NAALADL2: variants seen among roughly 807,000 people sequenced by gnomAD.
The protein encoded by NAALADL2 is inactive N-acetylated-alpha-linked acidic dipeptidase-like protein 2.
Under a neutral mutation model 87.2 loss-of-function variants are expected in NAALADL2, and 76 were observed. The observed-to-expected ratio is 0.87, with a 90% CI of 0.72 to 1.05. The LOEUF (loss-of-function observed/expected upper bound fraction) is 1.05. Ranked by LOEUF, NAALADL2 falls within the 50% of genes least tolerant of loss-of-function variation. The pLI is 0.00. For missense variants in NAALADL2, 1,089 were observed against 945.8 expected (o/e 1.15, Z -1.99); for synonymous variants, 354 against 331.0 (o/e 1.07, Z -0.75).
chr3:174,796,888 T>C (rs550191731), intron 3 of NAALADL2, among the ~76,000 whole-genome samples: 1 of 152,154 alleles, frequency 6.6e-6, no homozygotes, highest in Admixed American at 6.6e-5. Flanking sequence ...TTCTGGATAT[T>C]TTCTCCTATT....
At chr3:175,081,776 C>G (rs1319127643) in intron 1 of NAALADL2, among the ~76,000 whole-genome samples, 1 of 152,130 alleles carries the variant, frequency 6.6e-6, no homozygotes, top group Non-Finnish European at 1.5e-5. Context: ...GTAAAGTGTA[C>G]ATATAGTTAG....
At chr3:175,016,278 A>ATATATATATATAT (rs58474829) in intron 1 of NAALADL2, among the ~76,000 whole-genome samples, 2 of 144,830 alleles carry the variant, frequency 1.4e-5, no homozygotes, top group African/African-American at 5.2e-5. Flanking sequence ...TATATATATA[A>ATATATATATATAT]AAAACAATAG....
chr3:175,313,259 A>C (rs1029962583), intron 4 of NAALADL2, among the ~76,000 whole-genome samples: 1 of 152,148 alleles, frequency 6.6e-6, no homozygotes, highest in African/African-American at 2.4e-5. Context: ...GAAGTATACT[A>C]GATGTCAGGA....
intron 10 of NAALADL2, among the ~76,000 whole-genome samples, chr3:175,601,480 G>A (rs1227413420): frequency 6.6e-6 from 1 of 152,058 alleles, no homozygotes; most frequent in Non-Finnish European, 1.5e-5. Flanking sequence ...CATGTGTCAG[G>A]AGCACAGGAT....
chr3:174,895,558 G>A (rs1167943392), intron 1 of NAALADL2, among the ~76,000 whole-genome samples: 1 of 152,022 alleles, frequency 6.6e-6, no homozygotes, highest in Non-Finnish European at 1.5e-5. Context: ...GTAAAGAAAA[G>A]CCTGGGACCT....
intron 5 of NAALADL2, among the ~76,000 whole-genome samples, chr3:175,392,635 A>G (rs753293): frequency 0.21 from 31,880 of 152,194 alleles, 4,223 homozygotes; most frequent in East Asian, 0.47. Flanking sequence ...GCACAACCCA[A>G]TAGGATTTCC....
chr3:174,660,168 A>T (rs1725374019), intron 2 of NAALADL2, among the ~76,000 whole-genome samples: 1 of 152,156 alleles, frequency 6.6e-6, no homozygotes, highest in Admixed American at 6.6e-5. Flanking sequence ...TATAGTAGGA[A>T]ATATGTGTTT....
intron 12 of NAALADL2, among the ~76,000 whole-genome samples, chr3:175,744,587 C>T (rs1026296105): frequency 1.6e-4 from 24 of 152,290 alleles, no homozygotes; most frequent in African/African-American, 5.8e-4. Context: ...ATTAATAAAA[C>T]CTGACACCTT....
chr3:174,488,955 G>A (rs1286721074), intron 1 of NAALADL2, among the ~76,000 whole-genome samples: 1 of 151,998 alleles, frequency 6.6e-6, no homozygotes, highest in Non-Finnish European at 1.5e-5. Flanking sequence ...TTGCCCAGTT[G>A]TGAGATTGCA....
chr3:175,138,575 T>TA (rs1175801102), intron 2 of NAALADL2, among the ~76,000 whole-genome samples: 2 of 151,308 alleles, frequency 1.3e-5, no homozygotes, highest in East Asian at 1.9e-4. Context: ...ACTGCAAACT[T>TA]ACGAAAAATG....
chr3:174,642,599 T>C (rs142647165), intron 2 of NAALADL2, among the ~76,000 whole-genome samples: 9 of 150,880 alleles, frequency 6.0e-5, no homozygotes, highest in African/African-American at 2.2e-4. Context: ...CAGTGTACAC[T>C]ACTAGCTCCT....
intron 13 of NAALADL2, among the ~76,000 whole-genome samples, chr3:175,798,305 AATG>A (rs67814614): frequency 6.6e-6 from 1 of 151,828 alleles, no homozygotes; most frequent in Non-Finnish European, 1.5e-5. Flanking sequence ...GGTTTTTTTA[AATG>A]ATGATGAAAA....
intron 6 of NAALADL2, among the ~76,000 whole-genome samples, chr3:175,459,875 T>C (rs375646631): frequency 4.6e-5 from 7 of 152,338 alleles, no homozygotes; most frequent in African/African-American, 1.7e-4. Context: ...TACACGTTTT[T>C]ACCTAAGTTT....
At chr3:175,373,318 A>G (rs371509948) in intron 5 of NAALADL2, among the ~76,000 whole-genome samples, 56 of 152,320 alleles carry the variant, frequency 3.7e-4, no homozygotes, top group African/African-American at 1.1e-3. Flanking sequence ...TTTTCTGTCA[A>G]TCCACTGCCA....
intron 9 of NAALADL2, among the ~76,000 whole-genome samples, chr3:175,520,385 G>A (rs1228439823): frequency 7.2e-6 from 1 of 138,554 alleles, no homozygotes; most frequent in Non-Finnish European, 1.5e-5. Flanking sequence ...TGCAAGCTCC[G>A]CTTCCCGGGT....
At chr3:175,206,779 G>A (rs561884373) in intron 2 of NAALADL2, among the ~76,000 whole-genome samples, 1 of 152,234 alleles carries the variant, frequency 6.6e-6, no homozygotes, top group South Asian at 2.1e-4. Flanking sequence ...ACAGAGTAGA[G>A]GGGTAGAGCC....
At chr3:174,475,166 A>G (rs1471340440) in intron 1 of NAALADL2, among the ~76,000 whole-genome samples, 3 of 151,308 alleles carry the variant, frequency 2.0e-5, no homozygotes, top group South Asian at 2.1e-4. Context: ...GGTAAATTAG[A>G]AAAAAAAATT....
intron 3 of NAALADL2, among the ~76,000 whole-genome samples, chr3:174,828,626 CTG>C (rs1222604221): frequency 6.6e-6 from 1 of 152,190 alleles, no homozygotes; most frequent in Non-Finnish European, 1.5e-5. Flanking sequence ...TTTCTTATCT[CTG>C]TATATTCCTA....
At chr3:175,588,529 C>CTTT (rs1430802993) in intron 10 of NAALADL2, among the ~76,000 whole-genome samples, 1 of 94,488 alleles carries the variant, frequency 1.1e-5, no homozygotes, top group African/African-American at 4.0e-5. Context: ...TTCTTTCTTT[C>CTTT]TTTTCTTTTT....
Sources: gnomAD v4.1 joint callset for allele counts (sites outside exome capture counted in the v4.1 genomes callset) on GRCh38, gnomAD v4.1.1 for gene constraint, MANE v1.5 for transcripts, NCBI Gene and HGNC (gene_info 2026-07-23, HGNC 2026-07-21) for gene names.